The following MTUS1 variants were observed in gnomAD, a reference collection of about 807,000 sequenced individuals.
MTUS1 encodes microtubule-associated tumor suppressor 1.
MTUS1 carries 109 observed loss-of-function variants against 120.8 expected under a neutral mutation model. The observed-to-expected ratio is 0.90, with a 90% CI of 0.77 to 1.06. The LOEUF (loss-of-function observed/expected upper bound fraction) is 1.06. Ranked by LOEUF, MTUS1 falls within the 50% of genes least tolerant of loss-of-function variation. MTUS1 has a pLI of 0.00. For missense variants in MTUS1, 2,210 were observed against 1,486.3 expected (o/e 1.49, Z -8.01); for synonymous variants, 737 against 550.5 (o/e 1.34, Z -4.74).
At chr8:17,667,936 A>T (rs2130538569) in intron 8 of MTUS1, among the ~76,000 whole-genome samples, 1 of 152,358 alleles carries the variant, frequency 6.6e-6, no homozygotes, top group South Asian at 2.1e-4. Context: ...CATGCACAAA[A>T]ATCAACTGGT....
intron 13 of MTUS1, among the ~76,000 whole-genome samples, chr8:17,647,856 T>C (rs1806156070): frequency 6.6e-6 from 1 of 152,182 alleles, no homozygotes; most frequent in East Asian, 1.9e-4. Context: ...ATATTATAGC[T>C]CCGTCAGGAT....
At chr8:17,699,882 C>T (rs1184819092) in intron 6 of MTUS1, among the ~76,000 whole-genome samples, 4 of 152,168 alleles carry the variant, frequency 2.6e-5, no homozygotes, top group Admixed American at 2.0e-4. Flanking sequence ...TAAGCAATTA[C>T]TTTCAGGTCA....
intron 8 of MTUS1, among the ~76,000 whole-genome samples, chr8:17,667,656 G>T (rs912851432): frequency 6.6e-6 from 1 of 152,196 alleles, no homozygotes; most frequent in African/African-American, 2.4e-5. Context: ...CAATGCAAAC[G>T]AGCGTTTATT....
chr8:17,702,164 T>G (rs1819227947), intron 6 of MTUS1, among the ~76,000 whole-genome samples: 1 of 152,190 alleles, frequency 6.6e-6, no homozygotes. Flanking sequence ...GGGTGGAAGG[T>G]GTTTGCTCTC....
intron 8 of MTUS1, among the ~76,000 whole-genome samples, chr8:17,658,396 T>C (rs111245795): frequency 3.5e-4 from 54 of 152,264 alleles, no homozygotes; most frequent in African/African-American, 1.3e-3. Flanking sequence ...TGACTAACAA[T>C]ATAATACATG....
intron 1 of MTUS1, among the ~76,000 whole-genome samples, chr8:17,772,677 T>G (rs915810626): frequency 1.1e-4 from 16 of 152,328 alleles, no homozygotes; most frequent in Non-Finnish European, 1.6e-4. Flanking sequence ...CAAAGTATGT[T>G]CAACTTCTTC....
chr8:17,789,995 C>G (rs1262594818), intron 1 of MTUS1, among the ~76,000 whole-genome samples: 2 of 152,120 alleles, frequency 1.3e-5, no homozygotes, highest in African/African-American at 4.8e-5. Context: ...ATTTCCTCCA[C>G]TAATTACCTG....
intron 5 of MTUS1, 41 bp downstream of exon 5, chr8:17,715,726 G>A: frequency 6.4e-7 from 1 of 1,561,676 alleles, no homozygotes; most frequent in Non-Finnish European, 8.6e-7. Context: ...AGGACTTTAA[G>A]CGTCTTGCCC....
chr8:17,686,071 A>C (rs17125123), intron 6 of MTUS1, among the ~76,000 whole-genome samples: 6,527 of 152,318 alleles, frequency 0.043, 491 homozygotes, highest in African/African-American at 0.15. Context: ...AACACATAAC[A>C]ATTCCACAGT....
intron 3 of MTUS1, among the ~76,000 whole-genome samples, chr8:17,732,528 G>C (rs2046658181): frequency 6.6e-6 from 1 of 152,188 alleles, no homozygotes; most frequent in Non-Finnish European, 1.5e-5. Flanking sequence ...CTCTCATCCA[G>C]TCTGGTGGCT....
At chr8:17,760,881 C>G (rs1469647152) in intron 1 of MTUS1, among the ~76,000 whole-genome samples, 9 of 150,298 alleles carry the variant, frequency 6.0e-5, no homozygotes, top group African/African-American at 2.2e-4. Context: ...TTTGGTAGTA[C>G]TACCTACCAG....
intron 1 of MTUS1, among the ~76,000 whole-genome samples, chr8:17,770,209 G>C (rs1430512896): frequency 6.6e-6 from 1 of 152,102 alleles, no homozygotes; most frequent in Non-Finnish European, 1.5e-5. Flanking sequence ...TACATAAGGG[G>C]ATACTCACTT....
intron 8 of MTUS1, 100 bp from the exon 9 acceptor site, chr8:17,656,165 ACAC>A: frequency 1.9e-6 from 2 of 1,036,240 alleles, no homozygotes. Context: ...CCTGAAGCAT[ACAC>A]CCATGATGTC....
intron 6 of MTUS1, among the ~76,000 whole-genome samples, chr8:17,704,559 T>C (rs1819761173): frequency 6.6e-6 from 1 of 152,200 alleles, no homozygotes; most frequent in Non-Finnish European, 1.5e-5. Flanking sequence ...CTTGGCACAC[T>C]TGCTGAAGAT....
chr8:17,798,601 G>T (rs1336296169), intron 1 of MTUS1, among the ~76,000 whole-genome samples: 2 of 152,120 alleles, frequency 1.3e-5, no homozygotes, highest in Non-Finnish European at 2.9e-5. Flanking sequence ...CAAAGTGCTG[G>T]GATTAGAGGC....
At chr8:17,742,380 A>C (rs1354844564) in intron 3 of MTUS1, among the ~76,000 whole-genome samples, 2 of 146,194 alleles carry the variant, frequency 1.4e-5, no homozygotes, top group East Asian at 4.0e-4. Flanking sequence ...TTCCTAAAGC[A>C]CTGGGATTTC....
In MTUS1 at chr8:17,760,051, CTTTTCTTT is replaced by C. The variant is rs2048917680; in HGVS notation, c.-154-4098_-154-4091del. ...TAGCAGGACCCTACCTCTACGATTT[CTTTTCTTT>C]TTTTTTTTTTTTTTAGCACGGTGGT... On this transcript the variant is annotated intron_variant, in intron 1 of 14. Transcript: ENST00000693296. Among the ~76,000 whole-genome samples, 14 of 130,268 alleles carry C rather than the reference CTTTTCTTT, an allele frequency of 1.1e-4. 1 individual carries two copies. In the South Asian group the frequency reaches 5.0e-3, roughly 47 times the overall value. The allele number at this position is 130,268 out of a possible 152,430, so 85.5% of individuals were successfully genotyped here.
At chr8:17,704,309 A>G (rs943640390) in intron 6 of MTUS1, 1 of 152,058 alleles carries the variant, frequency 6.6e-6, no homozygotes, top group Non-Finnish European at 1.5e-5. Context: ...CAACCTGTCT[A>G]TTTTTGCTTT....
rs543856857 is a variant in MTUS1 at position 17,740,848 on chromosome 8, G to A, written c.2287+2756C>T. Among the ~76,000 whole-genome samples, 6 of 152,116 alleles carry A rather than the reference G, an allele frequency of 3.9e-5. No homozygotes were observed. In the South Asian group the frequency reaches 1.2e-3, roughly 32 times the overall value. ...ATTCTCATTCTACCTCACATACTGA[G>A]GACAGTTCCAGTGTCTCTTCCTCTT... is the stretch of plus-strand genomic sequence containing the variant. On this transcript the variant is annotated intron_variant, in intron 3 of 14. Transcript: ENST00000693296.
Sources: gnomAD v4.1 joint callset for allele counts (sites outside exome capture counted in the v4.1 genomes callset) on GRCh38, gnomAD v4.1.1 for gene constraint, MANE v1.5 for transcripts, NCBI Gene and HGNC (gene_info 2026-07-23, HGNC 2026-07-21) for gene names.